Variants in HIF1A observed in about 807,000 individuals in gnomAD.
The protein encoded by HIF1A is hypoxia-inducible factor 1-alpha.
In HIF1A, 24 loss-of-function variants were observed where a neutral mutation model predicts 92.7. That is an observed-to-expected ratio of 0.26 (90% CI 0.19 to 0.36). HIF1A has a LOEUF of 0.36. Among genes scored for constraint, HIF1A ranks in the 10% least tolerant of loss-of-function variants. HIF1A has a pLI of 1.00. For missense variants in HIF1A, 799 were observed against 998.5 expected, an observed-to-expected ratio of 0.80 and a Z score of 2.69; for synonymous variants, 319 against 338.7, an observed-to-expected ratio of 0.94 and a Z score of 0.64.
chr14:61,740,621 T>A lies in HIF1A; in HGVS notation c.1653T>A (p.Ser551=). Residue 551 remains serine, a synonymous_variant, in exon 11 of 15, where the codon TCT becomes TCA. Coordinates refer to ENST00000337138, the MANE Select transcript of HIF1A (RefSeq NM_001530.4). ...ACACAGAAGCAAAGAACCCATTTTC[T>A]ACTCAGGTATATGAACTTATTTGTT... ...AEDTEAKNPF[S]TQDTDLDLEM... The A allele has an allele frequency of 6.3e-7, 1 of 1,598,240 alleles. No individual in the cohort carries two copies. Among genetic ancestry groups the A allele is most frequent in the South Asian group, 1.1e-5 (1 of 88,642 alleles).
chr14:61,701,307 T>TG (rs1216755243), intron 1 of HIF1A, among the ~76,000 whole-genome samples: 2 of 152,234 alleles, frequency 1.3e-5, no homozygotes, highest in Non-Finnish European at 2.9e-5. Flanking sequence ...ATCTTGTAAA[T>TG]GGGAAAATGT....
In HIF1A at chr14:61,747,246, C is replaced by G; in HGVS notation, c.*161C>G. The G allele has an allele frequency of 1.9e-6, 1 of 516,584 alleles. No individual in the cohort carries two copies. The highest frequency in any genetic ancestry group is 3.3e-6 in the Non-Finnish European group (1 of 300,692). The allele number at this position is 516,584 out of a possible 1,614,324, so 32.0% of individuals were successfully genotyped here. On this transcript the variant is annotated 3_prime_UTR_variant, in exon 15 of 15. Transcript: ENST00000337138. ...CCTTTCTACTTAATTTACATTAATG[C>G]TCTTTTTTAGTATGTTCTTTAATGC...
chr14:61,738,124 A>C lies in HIF1A; in HGVS notation c.1287A>C (p.Pro429=). 1 of 1,612,424 alleles carries C rather than the reference A, an allele frequency of 6.2e-7. No individual in the cohort carries two copies. The highest frequency in any genetic ancestry group is 1.3e-5 in the African/African-American group (1 of 74,924). ...ETDDQQLEEV[P]LYNDVMLPSP... ...ATGACCAGCAACTTGAGGAAGTACC[A>C]TTATATAATGATGTAATGCTCCCCT... Residue 429 remains proline, a synonymous_variant, in exon 10 of 15, where the codon CCA becomes CCC. Coordinates refer to ENST00000337138, the MANE Select transcript of HIF1A (RefSeq NM_001530.4).
At chr14:61,746,899 T>G in intron 14 of HIF1A, 35 bp from the exon 15 acceptor site, 2 of 1,517,538 alleles carry the variant, frequency 1.3e-6, no homozygotes, top group Middle Eastern at 1.8e-4. Flanking sequence ...ATTGACTAGA[T>G]GAATGTATAC....
chr14:61,702,898 A>C (rs2044193658), intron 1 of HIF1A, among the ~76,000 whole-genome samples: 1 of 152,214 alleles, frequency 6.6e-6, no homozygotes, highest in African/African-American at 2.4e-5. Context: ...ACCTGCTTTT[A>C]AAAAATTTAC....
intron 12 of HIF1A, among the ~76,000 whole-genome samples, chr14:61,742,767 C>G (rs1410212818): frequency 4.6e-5 from 7 of 151,342 alleles, no homozygotes; most frequent in Admixed American, 4.6e-4. Flanking sequence ...GCCTGTAATC[C>G]CAGCTACTTT....
chr14:61,725,016 G>C (rs999316848), intron 4 of HIF1A, among the ~76,000 whole-genome samples: 1 of 152,118 alleles, frequency 6.6e-6, no homozygotes, highest in Non-Finnish European at 1.5e-5. Flanking sequence ...ACTATATGCT[G>C]TTTTTCAAAC....
At chr14:61,732,298 C>A in intron 6 of HIF1A, 120 bp from the exon 7 acceptor site, 1 of 652,612 alleles carries the variant, frequency 1.5e-6, no homozygotes. Flanking sequence ...GGAGGATGCT[C>A]ATTTTTGAAA....
intron 4 of HIF1A, among the ~76,000 whole-genome samples, chr14:61,724,986 C>T (rs1011803026): frequency 1.9e-4 from 29 of 152,328 alleles, no homozygotes; most frequent in African/African-American, 6.7e-4. Flanking sequence ...TCTACGTGTA[C>T]TCTACATTGT....
rs905541398 is a variant in HIF1A, at chr14:61,707,303, T to C, written c.35+11464T>C. Among the ~76,000 whole-genome samples the C allele has an allele frequency of 4.6e-3, 40 of 8,628 alleles. No individual in the cohort carries two copies. In the Non-Finnish European group the frequency reaches 0.089, roughly 19 times the overall value. The allele number at this position is 8,628 out of a possible 152,430, so 5.7% of individuals were successfully genotyped here. Reference sequence around the variant, plus strand: ...TCTGGAAGTAAGGCTCAGCATTCTGTGTTTTTTTTTTCTTTATTATACTTT... The same window carrying C: ...TCTGGAAGTAAGGCTCAGCATTCTGCGTTTTTTTTTTCTTTATTATACTTT... On this transcript the variant is annotated intron_variant, in intron 1 of 14. Transcript: ENST00000337138.
At chr14:61,711,031 G>T (rs1054840352) in intron 1 of HIF1A, among the ~76,000 whole-genome samples, 4 of 130,730 alleles carry the variant, frequency 3.1e-5, no homozygotes, top group Non-Finnish European at 6.3e-5. Context: ...TTGGGCAACA[G>T]TGCGAGACTC....
Position 61,740,839 on chromosome 14 carries a change from C to T in HIF1A, c.1744C>T (p.Pro582Ser), listed in dbSNP as rs11549465. The change falls in exon 12 of 15, where the codon CCA becomes TCA. Residue 582 changes from proline (P) to serine (S), a missense_variant. This residue lies in a region of HIF1A where 516 missense variants were observed against 721.0 expected (regional missense o/e 0.72). Coordinates refer to ENST00000337138, the MANE Select transcript of HIF1A (RefSeq NM_001530.4). ...GTTACGTTCCTTCGATCAGTTGTCACCATTAGAAAGCAGTTCCGCAAGCCC... is the reference window on the plus strand; with the variant it reads ...GTTACGTTCCTTCGATCAGTTGTCATCATTAGAAAGCAGTTCCGCAAGCCC... ...FQLRSFDQLS[P>S]LESSSASPES... 0.095 allele frequency: 154,031 copies of T among 1,613,808 alleles called. 7,963 individuals are homozygous for T. The highest frequency in any genetic ancestry group is 0.2 in the Middle Eastern group (1,188 of 6,062).
chr14:61,739,787 C>T (rs1304222700), intron 10 of HIF1A, among the ~76,000 whole-genome samples: 2 of 152,098 alleles, frequency 1.3e-5, no homozygotes, highest in Non-Finnish European at 2.9e-5. Flanking sequence ...TCTACTCCCA[C>T]CCCCGACAGT....
At chr14:61,730,739 G>A (rs908304135) in intron 6 of HIF1A, among the ~76,000 whole-genome samples, 4 of 152,114 alleles carry the variant, frequency 2.6e-5, no homozygotes, top group Non-Finnish European at 2.9e-5. Context: ...TGGAAGATTA[G>A]CCACGTATTG....
At chr14:61,727,877 A>G (rs1273273740) in intron 6 of HIF1A, among the ~76,000 whole-genome samples, 1 of 152,068 alleles carries the variant, frequency 6.6e-6, no homozygotes, top group Non-Finnish European at 1.5e-5. Context: ...TAAAAAATAC[A>G]AAAATTAGTG....
At chr14:61,721,880 C>G in intron 4 of HIF1A, 57 bp downstream of exon 4, 1 of 1,210,316 alleles carries the variant, frequency 8.3e-7, no homozygotes, top group Non-Finnish European at 1.2e-6. Context: ...TAATAAGATA[C>G]TATTGCTAAT....
In HIF1A at chr14:61,699,394, T is replaced by C. The variant is rs185766477; in HGVS notation, c.35+3555T>C. ...TCAGGGTTTAGATTTTGTGGTTACA[T>C]TCTATTCTTGTATGTCAAGAGTGGT... On this transcript the variant is annotated intron_variant, in intron 1 of 14. Transcript: ENST00000337138. 3.3e-4 allele frequency among the ~76,000 whole-genome samples: 50 copies of C among 152,278 alleles called. No individual in the cohort carries two copies. In the East Asian group the frequency reaches 6.0e-3, roughly 18 times the overall value.
intron 12 of HIF1A, among the ~76,000 whole-genome samples, chr14:61,741,459 G>T (rs1049180860): frequency 6.7e-6 from 1 of 149,842 alleles, no homozygotes; most frequent in African/African-American, 2.5e-5. Context: ...TCTGCCTCCT[G>T]GGTGCAAGAG....
rs759565785 is a variant in HIF1A, at chr14:61,741,037, C to T, written c.1942C>T (p.His648Tyr). 7 of 1,613,988 alleles carry T rather than the reference C, an allele frequency of 4.3e-6. No individual in the cohort carries two copies. The highest frequency in any genetic ancestry group is 5.9e-6 in the Non-Finnish European group (7 of 1,179,958). Residue 648 changes from histidine (H) to tyrosine (Y), a missense_variant, in exon 12 of 15, where the codon CAT (histidine) becomes TAT (tyrosine). Physicochemically the swap from His to Tyr is moderately conservative, Grantham distance 83. This residue lies in a region of HIF1A where 283 missense variants were observed against 277.5 expected (regional missense o/e 1.02). Coordinates refer to ENST00000337138, the MANE Select transcript of HIF1A (RefSeq NM_001530.4). ...TGCATCTCCATCTCCTACCCACATA[C>T]ATAAAGAAACTACTAGTGCCACATC... is the stretch of plus-strand genomic sequence containing the variant. ...LIASPSPTHIHKETTSATSSP... is the reference protein window; with the variant it reads ...LIASPSPTHIYKETTSATSSP...
Sources: gnomAD v4.1 joint callset for allele counts (sites outside exome capture counted in the v4.1 genomes callset) on GRCh38, gnomAD v4.1.1 for gene constraint, gnomAD v4.1.1 regional missense constraint, MANE v1.5 for transcripts, NCBI Gene and HGNC (gene_info 2026-07-23, HGNC 2026-07-21) for gene names.